The following GALNT18 variants were observed in gnomAD, a reference collection of about 807,000 sequenced individuals.
The protein encoded by GALNT18 is polypeptide N-acetylgalactosaminyltransferase 18.
GALNT18 carries 44 observed loss-of-function variants against 69.5 expected under a neutral mutation model. The observed-to-expected ratio is 0.63, with a 90% CI of 0.50 to 0.81. The LOEUF (loss-of-function observed/expected upper bound fraction) is 0.81, where lower values mean the gene tolerates loss of function less well. Among genes scored for constraint, GALNT18 ranks in the 40% least tolerant of loss-of-function variants. GALNT18 has a pLI of 0.00. For synonymous variants in GALNT18, 364 were observed against 318.2 expected, an observed-to-expected ratio of 1.14 and a Z score of -1.53; for missense variants, 715 against 810.0, an observed-to-expected ratio of 0.88 and a Z score of 1.42.
intron 3 of GALNT18, among the ~76,000 whole-genome samples, chr11:11,428,409 C>T (rs1012438689): frequency 6.6e-5 from 10 of 152,236 alleles, no homozygotes; most frequent in African/African-American, 9.6e-5. Context: ...GGGCCAGGCC[C>T]CTTCCCACCA....
At position 11,483,982 on chromosome 11, in the gene GALNT18, T is replaced by C. The variant is rs939799700; in HGVS notation, c.236-35046A>G. Among the ~76,000 whole-genome samples the C allele has an allele frequency of 2.0e-5, 3 of 152,096 alleles. No homozygotes were observed. The South Asian group carries it at 6.2e-4, about 32-fold the overall frequency. ...CCGAGCAAAGTTCCATCGTGGGACA[T>C]GGGGGTCCAATGTGTAACCCCCTCC... On this transcript the variant is annotated intron_variant, in intron 1 of 10. Coordinates refer to ENST00000227756, the MANE Select transcript of GALNT18 (RefSeq NM_198516.3).
intron 10 of GALNT18, among the ~76,000 whole-genome samples, chr11:11,277,130 C>T (rs1270354204): frequency 6.6e-6 from 1 of 152,198 alleles, no homozygotes; most frequent in Non-Finnish European, 1.5e-5. Flanking sequence ...GGCTGTGAAT[C>T]CGTCTGGTCC....
intron 10 of GALNT18, among the ~76,000 whole-genome samples, chr11:11,280,476 T>C (rs904269810): frequency 1.3e-5 from 2 of 151,886 alleles, no homozygotes; most frequent in Non-Finnish European, 2.9e-5. Context: ...TGGAGCATGC[T>C]CCTTCCACTG....
chr11:11,347,945 C>G lies in GALNT18; in HGVS notation c.1093-6941G>C, dbSNP rs563112966. On this transcript the variant is annotated intron_variant, in intron 6 of 10. Transcript: ENST00000227756. This position sits in a 1 kb window ranked among gnomAD's most constrained non-coding sequence, Gnocchi z 4.0. The stretch of plus-strand genomic sequence containing the variant: ...GAGCTGGCAGAAGACCAGAAAGTCA[C>G]TCGCAGAGTGGCTGAACGGTCAGAG... 2.0e-5 allele frequency among the ~76,000 whole-genome samples: 3 copies of G among 152,180 alleles called. No individual in the cohort carries two copies. The highest frequency in any genetic ancestry group is 2.0e-4 in the Admixed American group (3 of 15,280).
chr11:11,352,770 T>C (rs1850442017), intron 6 of GALNT18: 1 of 1,614,170 alleles, frequency 6.2e-7, no homozygotes, highest in Non-Finnish European at 8.5e-7. Flanking sequence ...GTCTGTGTTG[T>C]TTACGTGTTC....
chr11:11,282,143 C>T (rs1375815279), intron 10 of GALNT18, among the ~76,000 whole-genome samples: 1 of 152,180 alleles, frequency 6.6e-6, no homozygotes, highest in Non-Finnish European at 1.5e-5. Flanking sequence ...CTCCTGTCCC[C>T]CTTCTTGACC....
At chr11:11,520,941 G>T (rs888474747) in intron 1 of GALNT18, among the ~76,000 whole-genome samples, 2 of 152,080 alleles carry the variant, frequency 1.3e-5, no homozygotes, top group Non-Finnish European at 2.9e-5. Context: ...GAAGCACATC[G>T]CAGGGTCCAC....
chr11:11,373,546 C>T (rs115785771), intron 5 of GALNT18, among the ~76,000 whole-genome samples: 176 of 152,244 alleles, frequency 1.2e-3, no homozygotes, highest in African/African-American at 3.9e-3. Flanking sequence ...ACCTGTGTGA[C>T]ACACGAGGAG....
intron 1 of GALNT18, among the ~76,000 whole-genome samples, chr11:11,551,753 A>T (rs1473760114): frequency 1.3e-5 from 2 of 152,174 alleles, no homozygotes; most frequent in African/African-American, 4.8e-5. Flanking sequence ...TGTTTATTTC[A>T]CCAGGATGCA....
intron 2 of GALNT18, among the ~76,000 whole-genome samples, chr11:11,440,921 C>T (rs1022066963): frequency 3.9e-5 from 6 of 152,152 alleles, no homozygotes; most frequent in Non-Finnish European, 7.3e-5. Flanking sequence ...AACTTGTTGG[C>T]GGTCACCCAG....
chr11:11,597,312 G>A (rs1412417819), intron 1 of GALNT18, among the ~76,000 whole-genome samples: 3 of 152,236 alleles, frequency 2.0e-5, no homozygotes, highest in Non-Finnish European at 4.4e-5. Flanking sequence ...CATAAAATGA[G>A]TTGACAAGTG....
rs371859503 is a variant in GALNT18, at chr11:11,339,783, G to T, written c.1278+1036C>A. Among the ~76,000 whole-genome samples, 145 of 152,276 alleles carry T rather than the reference G, an allele frequency of 9.5e-4. 2 individuals carry two copies. The South Asian group carries it at 0.029, about 31-fold the overall frequency. On this transcript the variant is annotated intron_variant, in intron 7 of 10. Transcript: ENST00000227756. The surrounding 1 kb of genome is among the most constrained non-coding windows in gnomAD (Gnocchi z 5.2). ...TCAAGTTCCCCTCTCCTACGGTGGT[G>T]GTGTGGCTGGGAGGTGGGCTAAAAG...
chr11:11,349,334 G>A (rs1850357807), intron 6 of GALNT18, among the ~76,000 whole-genome samples: 1 of 152,232 alleles, frequency 6.6e-6, no homozygotes, highest in East Asian at 1.9e-4. Flanking sequence ...TGGAGCATAG[G>A]TTATATACAC....
chr11:11,299,435 G>A (rs1186140962), intron 9 of GALNT18, among the ~76,000 whole-genome samples: 1 of 152,174 alleles, frequency 6.6e-6, no homozygotes, highest in East Asian at 1.9e-4. Flanking sequence ...CACAGCCACT[G>A]TGCCTGGCCC....
At chr11:11,342,990 T>C (rs1850237366) in intron 6 of GALNT18, among the ~76,000 whole-genome samples, 1 of 152,218 alleles carries the variant, frequency 6.6e-6, no homozygotes, top group Admixed American at 6.5e-5. Flanking sequence ...CAGCAGAATC[T>C]TTAGAATCAC....
At chr11:11,611,538 T>C (rs1224229290) in intron 1 of GALNT18, among the ~76,000 whole-genome samples, 3 of 152,160 alleles carry the variant, frequency 2.0e-5, no homozygotes, top group African/African-American at 7.2e-5. Flanking sequence ...AACAGAGAAT[T>C]CACCACTGTG....
chr11:11,302,697 G>A (rs1019169568), intron 9 of GALNT18, among the ~76,000 whole-genome samples: 7 of 152,240 alleles, frequency 4.6e-5, no homozygotes, highest in South Asian at 2.1e-4. Flanking sequence ...AAGGATATGC[G>A]CAGGATGCGT....
intron 3 of GALNT18, among the ~76,000 whole-genome samples, chr11:11,392,695 T>C (rs1589964386): frequency 6.6e-6 from 1 of 152,358 alleles, no homozygotes; most frequent in Middle Eastern, 3.4e-3. Context: ...GCACAGGTTC[T>C]GACACATGGT....
At chr11:11,539,670 C>A (rs941367208) in intron 1 of GALNT18, among the ~76,000 whole-genome samples, 5 of 152,106 alleles carry the variant, frequency 3.3e-5, no homozygotes, top group Non-Finnish European at 5.9e-5. Flanking sequence ...TTCCATGCAC[C>A]CCGCTTCTCA....
Sources: gnomAD v4.1 joint callset for allele counts (sites outside exome capture counted in the v4.1 genomes callset) on GRCh38, gnomAD v4.1.1 for gene constraint, Gnocchi (gnomAD v3.1) non-coding constraint, MANE v1.5 for transcripts, NCBI Gene and HGNC (gene_info 2026-07-23, HGNC 2026-07-21) for gene names.